Variants in ERC2 observed in about 807,000 individuals in gnomAD.
The protein encoded by ERC2 is ELKS/RAB6-interacting/CAST family member 2, also known as ERC protein 2.
Under a neutral mutation model 114.8 loss-of-function variants are expected in ERC2, and 42 were observed. The ratio of observed to expected loss-of-function variants is 0.37; its 90% CI spans 0.29 to 0.47. ERC2 has a LOEUF of 0.47. ERC2 is among the 20% of genes least tolerant of loss of function. The pLI, the probability that ERC2 is intolerant of heterozygous loss-of-function variation, is 0.99. For synonymous variants in ERC2, 454 were observed against 425.5 expected (o/e 1.07, Z -0.82); for missense variants, 939 against 1,150.7 (o/e 0.82, Z 2.66).
At chr3:55,601,542 C>G (rs1003610553) in intron 17 of ERC2, among the ~76,000 whole-genome samples, 1 of 152,216 alleles carries the variant, frequency 6.6e-6, no homozygotes, top group South Asian at 2.1e-4. Context: ...AGCTGTCCTT[C>G]GGCACTGTAA....
intron 17 of ERC2, among the ~76,000 whole-genome samples, chr3:55,669,684 T>C (rs1416740821): frequency 6.6e-6 from 1 of 152,220 alleles, no homozygotes; most frequent in Non-Finnish European, 1.5e-5. Flanking sequence ...CTTTTGAACT[T>C]GCAGGCATAT....
intron 14 of ERC2, among the ~76,000 whole-genome samples, chr3:55,848,148 C>T (rs961320280): frequency 1.3e-5 from 2 of 152,144 alleles, no homozygotes; most frequent in Admixed American, 6.5e-5. Flanking sequence ...AATAACAAAA[C>T]TAAGTAACTG....
chr3:56,119,889 T>G (rs2149853445), intron 6 of ERC2, among the ~76,000 whole-genome samples: 1 of 152,256 alleles, frequency 6.6e-6, no homozygotes, highest in Non-Finnish European at 1.5e-5. Context: ...TTAAATAGAA[T>G]ACCCCACTGC....
chr3:55,847,829 C>G (rs2061427356), intron 14 of ERC2, among the ~76,000 whole-genome samples: 1 of 152,128 alleles, frequency 6.6e-6, no homozygotes, highest in African/African-American at 2.4e-5. Flanking sequence ...GAGACAGAGT[C>G]TCACTGTAGC....
chr3:55,862,606 C>T (rs2062079450), intron 14 of ERC2, among the ~76,000 whole-genome samples: 1 of 152,188 alleles, frequency 6.6e-6, no homozygotes, highest in African/African-American at 2.4e-5. Flanking sequence ...CAGGCAAGTA[C>T]ATTCTTAGCT....
chr3:56,415,081 A>G (rs925063239), intron 2 of ERC2, among the ~76,000 whole-genome samples: 2 of 152,168 alleles, frequency 1.3e-5, no homozygotes, highest in Non-Finnish European at 2.9e-5. Context: ...CCAGTTTTCA[A>G]TCTTAACAAC....
chr3:55,789,445 T>C (rs566630540), intron 14 of ERC2, among the ~76,000 whole-genome samples: 185 of 152,326 alleles, frequency 1.2e-3, no homozygotes, highest in African/African-American at 4.0e-3. Flanking sequence ...CCAAGTCTCT[T>C]AGCAATTTTC....
At chr3:56,128,117 T>C (rs1264535650) in intron 6 of ERC2, among the ~76,000 whole-genome samples, 1 of 152,094 alleles carries the variant, frequency 6.6e-6, no homozygotes, top group African/African-American at 2.4e-5. Flanking sequence ...GATTTGTAAG[T>C]GAATAGTGCT....
intron 1 of ERC2, among the ~76,000 whole-genome samples, chr3:56,450,831 T>TA (rs900950974): frequency 1.6e-4 from 24 of 152,032 alleles, no homozygotes; most frequent in African/African-American, 5.3e-4. Flanking sequence ...ACCTTATCTC[T>TA]AAAAAAATAA....
chr3:56,248,290 C>T (rs962589652), intron 3 of ERC2, among the ~76,000 whole-genome samples: 5 of 152,114 alleles, frequency 3.3e-5, no homozygotes, highest in African/African-American at 7.2e-5. Flanking sequence ...GACAGAGTCT[C>T]GCTATATTGC....
intron 15 of ERC2, among the ~76,000 whole-genome samples, chr3:55,732,088 G>T (rs2065285549): frequency 6.6e-6 from 1 of 151,974 alleles, no homozygotes; most frequent in South Asian, 2.1e-4. Flanking sequence ...TCGTTGGACT[G>T]GTTATTCCAC....
chr3:55,888,411 G>T lies in ERC2; in HGVS notation c.2542C>A (p.Leu848Met). The T allele has an allele frequency of 6.2e-7, 1 of 1,613,870 alleles. No individual in the cohort carries two copies. Among genetic ancestry groups the T allele is most frequent in the Non-Finnish European group, 8.5e-7 (1 of 1,179,820 alleles). ...ANLRIERRKQLEEILEMKQEA... is the reference protein window; with the variant it reads ...ANLRIERRKQMEEILEMKQEA... ...CACTTCATCTCCAGGATCTCCTCCA[G>T]CTGTTTCCTCCTCTCAATCCGGAGG... The change falls in exon 14 of 18, where the codon CTG becomes ATG. Residue 848 changes from leucine to methionine, a missense_variant. This residue lies in a region of ERC2 where 328 missense variants were observed against 353.9 expected (regional missense o/e 0.93). Coordinates refer to ENST00000288221, the MANE Select transcript of ERC2 (RefSeq NM_015576.3).
intron 3 of ERC2, among the ~76,000 whole-genome samples, chr3:56,241,037 C>A (rs1178870105): frequency 6.6e-6 from 1 of 152,096 alleles, no homozygotes; most frequent in Non-Finnish European, 1.5e-5. Flanking sequence ...TACATATACC[C>A]ATTGTTTAGC....
chr3:56,077,272 C>T (rs1477505166), intron 7 of ERC2, among the ~76,000 whole-genome samples: 1 of 152,204 alleles, frequency 6.6e-6, no homozygotes, highest in African/African-American at 2.4e-5. Flanking sequence ...GCTCCTGTGG[C>T]TTTGCTACAT....
chr3:56,079,972 G>A (rs1334475849), intron 7 of ERC2, among the ~76,000 whole-genome samples: 1 of 152,172 alleles, frequency 6.6e-6, no homozygotes, highest in Non-Finnish European at 1.5e-5. Flanking sequence ...CAACATGCCT[G>A]TGGATGGCAG....
intron 6 of ERC2, among the ~76,000 whole-genome samples, chr3:56,135,791 A>T (rs79293003): frequency 0.03 from 4,538 of 152,266 alleles, 125 homozygotes; most frequent in South Asian, 0.046. Flanking sequence ...TTCCCAGTTT[A>T]TGGATATGTT....
In ERC2 at chr3:55,925,167, G is replaced by A. The variant is rs147099380; in HGVS notation, c.2403+25258C>T. On this transcript the variant is annotated intron_variant, in intron 13 of 17. Transcript: ENST00000288221. The stretch of plus-strand genomic sequence containing the variant: ...AGTGTTACCAGATCCTAAAGCTGGA[G>A]GCAGATTCTCGTGCAAAATGGGGAT... Among the ~76,000 whole-genome samples the A allele has an allele frequency of 3.0e-3, 456 of 152,282 alleles. 2 individuals are homozygous for A. The highest frequency in any genetic ancestry group is 4.1e-3 in the Non-Finnish European group (277 of 68,012).
chr3:55,699,438 G>GTGA lies in ERC2; in HGVS notation c.2784_2786dup (p.His932dup). On this transcript the variant is annotated inframe_insertion, in exon 16 of 18. Coordinates refer to ENST00000288221, the MANE Select transcript of ERC2 (RefSeq NM_015576.3). ...ACCTCCCAGGAGATCGATGGTGGTG[G>GTGA]TGATGGTGGTGGTGGTGGTAATGGT... 1.9e-6 allele frequency: 3 copies of GTGA among 1,613,814 alleles called. 1 individual carries two copies. In the South Asian group the frequency reaches 3.3e-5, roughly 18 times the overall value.
At chr3:56,155,931 TGAAAG>T (rs755971279) in intron 4 of ERC2, among the ~76,000 whole-genome samples, 1 of 152,054 alleles carries the variant, frequency 6.6e-6, no homozygotes, top group Non-Finnish European at 1.5e-5. Flanking sequence ...GAGTTGGAAA[TGAAAG>T]GAAGGTGCTG....
Sources: allele counts gnomAD v4.1 joint callset (sites outside exome capture counted in the v4.1 genomes callset), GRCh38; gene constraint gnomAD v4.1.1; regional missense constraint gnomAD v4.1.1; transcripts MANE v1.5; gene names NCBI Gene and HGNC (gene_info 2026-07-23, HGNC 2026-07-21).